Variants in CSMD1 observed in about 807,000 individuals in gnomAD.
The protein encoded by CSMD1 is CUB and Sushi multiple domains 1.
A neutral mutation model predicts 417.5 loss-of-function variants in CSMD1; 213 were observed. That is an observed-to-expected ratio of 0.51 (90% confidence interval 0.46 to 0.57). The LOEUF (loss-of-function observed/expected upper bound fraction) is 0.57, where lower values mean the gene tolerates loss of function less well. CSMD1 is among the 20% of genes least tolerant of loss of function. The pLI is 0.00. For missense variants in CSMD1, 6,923 were observed against 4,529.7 expected, an observed-to-expected ratio of 1.53 and a Z score of -15.17; for synonymous variants, 2,862 against 1,736.8, an observed-to-expected ratio of 1.65 and a Z score of -16.11.
intron 7 of CSMD1, among the ~76,000 whole-genome samples, chr8:3,628,730 C>G (rs1008299593): frequency 6.6e-6 from 1 of 152,058 alleles, no homozygotes; most frequent in South Asian, 2.1e-4. Context: ...CACGTCACAG[C>G]TCATGAGAGC....
chr8:4,178,229 A>T (rs1798165284), intron 3 of CSMD1, among the ~76,000 whole-genome samples: 1 of 152,170 alleles, frequency 6.6e-6, no homozygotes, highest in Admixed American at 6.5e-5. Flanking sequence ...AAGCTAATCC[A>T]CTATCATCAA....
At position 3,658,805 on chromosome 8, in the gene CSMD1, G is replaced by C. The variant is rs188277128; in HGVS notation, c.1010-42008C>G. Among the ~76,000 whole-genome samples, 22 of 152,056 alleles carry C rather than the reference G, an allele frequency of 1.4e-4. No individual in the cohort carries two copies. In the East Asian group the frequency reaches 3.9e-3, roughly 27 times the overall value. ...CTCAAAAAATAAAAATAAAAATAAAGTCTTCCAACAATTTTGTTTGAATTA... is the reference window on the plus strand; with the variant it reads ...CTCAAAAAATAAAAATAAAAATAAACTCTTCCAACAATTTTGTTTGAATTA... On this transcript the variant is annotated intron_variant, in intron 7 of 69. Coordinates refer to ENST00000635120, the MANE Select transcript of CSMD1 (RefSeq NM_033225.6).
chr8:4,301,430 T>C (rs114262248), intron 3 of CSMD1, among the ~76,000 whole-genome samples: 60 of 152,308 alleles, frequency 3.9e-4, no homozygotes, highest in African/African-American at 1.4e-3. Flanking sequence ...AAGATATGTT[T>C]TATCTCCTGT....
chr8:3,635,171 G>T (rs957428499), intron 7 of CSMD1, among the ~76,000 whole-genome samples: 1 of 152,124 alleles, frequency 6.6e-6, no homozygotes. Flanking sequence ...GGACATGGCT[G>T]TGCACTGCTG....
chr8:4,569,684 A>G (rs1798790138), intron 2 of CSMD1, among the ~76,000 whole-genome samples: 2 of 152,246 alleles, frequency 1.3e-5, no homozygotes, highest in East Asian at 1.9e-4. Flanking sequence ...AACAAAGTCA[A>G]TGGTAGCTTG....
At chr8:4,429,981 A>G (rs1293487832) in intron 2 of CSMD1, among the ~76,000 whole-genome samples, 1 of 152,196 alleles carries the variant, frequency 6.6e-6, no homozygotes, top group Non-Finnish European at 1.5e-5. Flanking sequence ...CTGGAAGCTG[A>G]GCTGGAAGAT....
At chr8:4,113,690 C>T (rs1362290857) in intron 3 of CSMD1, among the ~76,000 whole-genome samples, 1 of 152,130 alleles carries the variant, frequency 6.6e-6, no homozygotes, top group African/African-American at 2.4e-5. Context: ...AGGCATGAGC[C>T]ACCGCGCCCA....
chr8:3,405,862 G>C (rs957827003), intron 15 of CSMD1, among the ~76,000 whole-genome samples, 165 bp downstream of exon 15: 8 of 152,188 alleles, frequency 5.3e-5, no homozygotes, highest in Non-Finnish European at 1.0e-4. Flanking sequence ...CAGACTTCCA[G>C]CCTCCAGAAC....
intron 12 of CSMD1, among the ~76,000 whole-genome samples, chr8:3,417,309 C>T (rs1032076434): frequency 1.3e-5 from 2 of 152,156 alleles, no homozygotes; most frequent in African/African-American, 4.8e-5. Context: ...TGTAGCTGTT[C>T]AGGAAATATT....
chr8:3,060,997 A>T (rs2128993590), intron 49 of CSMD1, among the ~76,000 whole-genome samples: 1 of 152,290 alleles, frequency 6.6e-6, no homozygotes, highest in African/African-American at 2.4e-5. Context: ...CCATGATCAA[A>T]TATGCACATA....
chr8:3,845,402 G>A (rs1237163775), intron 5 of CSMD1, among the ~76,000 whole-genome samples: 1 of 152,136 alleles, frequency 6.6e-6, no homozygotes, highest in South Asian at 2.1e-4. Context: ...TGAAGGCAAT[G>A]GTTACACAGT....
chr8:4,019,474 C>T (rs948330106), intron 4 of CSMD1, among the ~76,000 whole-genome samples: 1 of 149,236 alleles, frequency 6.7e-6, no homozygotes, highest in Non-Finnish European at 1.5e-5. Flanking sequence ...TTATTAGGGC[C>T]CACTGTTTTA....
At chr8:3,202,459 C>T (rs1324234111) in intron 31 of CSMD1, among the ~76,000 whole-genome samples, 1 of 152,176 alleles carries the variant, frequency 6.6e-6, no homozygotes, top group Non-Finnish European at 1.5e-5. Flanking sequence ...ACACCTCCTC[C>T]AAGTGAAACA....
intron 26 of CSMD1, among the ~76,000 whole-genome samples, chr8:3,247,470 C>T (rs532140370): frequency 6.6e-6 from 1 of 152,198 alleles, no homozygotes; most frequent in Non-Finnish European, 1.5e-5. Flanking sequence ...GCCAAGCTGT[C>T]TACCCTCAGG....
At chr8:4,146,016 AAAAAAAAT>A (rs1172728685) in intron 3 of CSMD1, among the ~76,000 whole-genome samples, 3 of 150,706 alleles carry the variant, frequency 2.0e-5, no homozygotes, top group Non-Finnish European at 4.4e-5. Context: ...CTAGGTATTC[AAAAAAAAT>A]CTGTTGGGGA....
chr8:4,578,332 A>ATTTTTCTTTTTTTTTTTTT lies in CSMD1; in HGVS notation c.302+59009_302+59010insAAAAAAAAAAAAAGAAAAA, dbSNP rs1799238990. Among the ~76,000 whole-genome samples the ATTTTTCTTTTTTTTTTTTT allele has an allele frequency of 4.9e-4, 24 of 48,776 alleles. 3 individuals carry two copies. The highest frequency in any genetic ancestry group is 1.6e-3 in the African/African-American group (21 of 13,094). The allele number at this position is 48,776 out of a possible 152,430, so 32.0% of individuals were successfully genotyped here. ...AGGCACCTGCCACGACACCCGGCTC[A>ATTTTTCTTTTTTTTTTTTT]TTTTTTTTTTTTTTTTTTTTTTTTT... On this transcript the variant is annotated intron_variant, in intron 2 of 69. Coordinates refer to ENST00000635120, the MANE Select transcript of CSMD1 (RefSeq NM_033225.6).
intron 3 of CSMD1, among the ~76,000 whole-genome samples, chr8:4,319,195 C>T (rs1452515187): frequency 2.6e-5 from 4 of 152,078 alleles, no homozygotes; most frequent in Non-Finnish European, 4.4e-5. Context: ...CCAGTAATTC[C>T]AATTACAGAT....
intron 3 of CSMD1, among the ~76,000 whole-genome samples, chr8:4,220,488 C>G (rs776142744): frequency 6.6e-6 from 1 of 152,144 alleles, no homozygotes; most frequent in Admixed American, 6.5e-5. Context: ...TAAAACATCA[C>G]TTTGTGTAAG....
Position 4,101,333 on chromosome 8 carries a change from G to A in CSMD1, c.416-69234C>T, listed in dbSNP as rs561698835. ...TTGAACAGCTGTGGAAGGAAAGACA[G>A]TGCAAATGGGCAGCCCTAACCAATA... On this transcript the variant is annotated intron_variant, in intron 3 of 69. Transcript: ENST00000635120. Among the ~76,000 whole-genome samples the A allele has an allele frequency of 5.3e-5, 8 of 152,286 alleles. No homozygotes were observed. The South Asian group carries it at 1.7e-3, about 32-fold the overall frequency.
Sources: gnomAD v4.1 joint callset for allele counts (sites outside exome capture counted in the v4.1 genomes callset) on GRCh38, gnomAD v4.1.1 for gene constraint, MANE v1.5 for transcripts, NCBI Gene and HGNC (gene_info 2026-07-23, HGNC 2026-07-21) for gene names.